Variants in SLC4A2 observed in about 807,000 individuals in gnomAD.
SLC4A2 encodes the protein solute carrier family 4 member 2.
In SLC4A2, 36 loss-of-function variants were observed where a neutral mutation model predicts 115.0. The ratio of observed to expected loss-of-function variants is 0.31; its 90% confidence interval spans 0.24 to 0.41. SLC4A2 has a LOEUF of 0.41. Among genes scored for constraint, SLC4A2 ranks in the 10% least tolerant of loss-of-function variants. SLC4A2 has a pLI of 1.00. For synonymous variants in SLC4A2, 708 were observed against 708.3 expected, an observed-to-expected ratio of 1.00 and a Z score of 0.01; for missense variants, 1,252 against 1,705.6, an observed-to-expected ratio of 0.73 and a Z score of 4.68.
Position 151,071,349 on chromosome 7 carries a change from C to T in SLC4A2, c.1976-41C>T. The stretch of plus-strand genomic sequence containing the variant: ...GGCTGCCTCGAGGGGGTGAGGTGGG[C>T]AAGAGGGGCTGGGGCGCCCTGACGG... On this transcript the variant is annotated intron_variant, in intron 13 of 22. Coordinates refer to ENST00000413384, the MANE Select transcript of SLC4A2 (RefSeq NM_003040.4). This position sits in a 1 kb window ranked among gnomAD's most constrained non-coding sequence, Gnocchi z 5.5. 2 of 1,550,456 alleles carry T rather than the reference C, an allele frequency of 1.3e-6. No homozygotes were observed. The highest frequency in any genetic ancestry group is 1.7e-6 in the Non-Finnish European group (2 of 1,151,760).
chr7:151,064,081 T>G, intron 2 of SLC4A2, 121 bp from the exon 3 acceptor site: 27 of 936,728 alleles, frequency 2.9e-5, no homozygotes, highest in Non-Finnish European at 4.1e-5. Flanking sequence ...GCCACCAGCA[T>G]TAGAGGAGAT....
intron 7 of SLC4A2, among the ~76,000 whole-genome samples, chr7:151,067,337 C>T (rs1797269633): frequency 6.6e-6 from 1 of 152,202 alleles, no homozygotes; most frequent in Admixed American, 6.5e-5. Context: ...CCGCCCGCCT[C>T]GGCCTCCCAA....
intron 16 of SLC4A2, among the ~76,000 whole-genome samples, chr7:151,073,478 AG>A (rs1797510044): frequency 6.6e-6 from 1 of 151,938 alleles, no homozygotes; most frequent in Non-Finnish European, 1.5e-5. Flanking sequence ...GAGACAGGGA[AG>A]GCTGGTTTCG....
chr7:151,072,700 G>A (rs537057183), intron 16 of SLC4A2, among the ~76,000 whole-genome samples: 1 of 149,624 alleles, frequency 6.7e-6, no homozygotes, highest in Admixed American at 6.7e-5. Flanking sequence ...TTGTCACCCA[G>A]GCTGGAGTGC....
chr7:151,063,132 C>G (rs1172533502), intron 2 of SLC4A2: 4 of 1,518,000 alleles, frequency 2.6e-6, no homozygotes, highest in Non-Finnish European at 3.5e-6. Flanking sequence ...TTACAAGCGC[C>G]GCATTCCCTG....
At chr7:151,076,251 C>A (rs368963319) in intron 22 of SLC4A2, 36 bp from the exon 23 acceptor site, 22 of 1,589,622 alleles carry the variant, frequency 1.4e-5, no homozygotes, top group East Asian at 4.5e-5. Context: ...AAGGCCCCCC[C>A]ACTTCCCTTC....
At chr7:151,075,042 C>G in intron 19 of SLC4A2, 1 of 878,072 alleles carries the variant, frequency 1.1e-6, no homozygotes. Flanking sequence ...GAGGGGCAGG[C>G]CACCCTGGCA....
In SLC4A2 at chr7:151,060,731, G is replaced by A. The variant is rs1183900587; in HGVS notation, c.-64+969G>A. On this transcript the variant is annotated intron_variant, in intron 1 of 22. Coordinates refer to ENST00000413384, the MANE Select transcript of SLC4A2 (RefSeq NM_003040.4). This position sits in a 1 kb window ranked among gnomAD's most constrained non-coding sequence, Gnocchi z 5.9. ...GCACTCACGCTCACCCACACCACCC[G>A]CCCTGGCTGAAGGCCTGCTGAGGGG... 6.6e-6 allele frequency among the ~76,000 whole-genome samples: 1 copy of A among 152,150 alleles called. No homozygotes were observed. Among genetic ancestry groups the A allele is most frequent in the Non-Finnish European group, 1.5e-5 (1 of 68,012 alleles).
chr7:151,070,691 G>T (rs764714335), intron 11 of SLC4A2, 36 bp from the exon 12 acceptor site: 3 of 1,609,526 alleles, frequency 1.9e-6, no homozygotes, highest in Non-Finnish European at 2.5e-6. Context: ...CGGTCCTGCT[G>T]CTCTGCTCTT....
chr7:151,068,575 A>C (rs1271634233), intron 8 of SLC4A2, among the ~76,000 whole-genome samples: 1 of 152,086 alleles, frequency 6.6e-6, no homozygotes, highest in Non-Finnish European at 1.5e-5. Flanking sequence ...GCTGGAGTAC[A>C]GTGGTGTGAT....
rs561878165 is a variant in SLC4A2, at chr7:151,064,946, C to T, written c.558C>T (p.Ala186=). The T allele has an allele frequency of 5.6e-6, 9 of 1,613,156 alleles. No homozygotes were observed. The East Asian group carries it at 6.7e-5, about 12-fold the overall frequency. Residue 186 remains alanine, a synonymous_variant, in exon 5 of 23, where the codon GCC becomes GCT. Coordinates refer to ENST00000413384, the MANE Select transcript of SLC4A2 (RefSeq NM_003040.4). ...CCCACCAGGAGGCGACTCCTCGGGC[C>T]TCCAAAGGGGCCCAGGCTGGGTAAG... ...PLPHQEATPR[A]SKGAQAGTQV...
Position 151,066,997 on chromosome 7 carries a change from C to G in SLC4A2, c.966+4C>G. On this transcript the variant is annotated splice_donor_region_variant and intron_variant, in intron 7 of 22. Transcript: ENST00000413384. ...GGCCCCCCACAAGCCCCATGAGGTA[C>G]CATGCTCTGCTTCATGCTCTTCCAT... is the stretch of plus-strand genomic sequence containing the variant. The G allele has an allele frequency of 6.3e-7, 1 of 1,586,954 alleles. No homozygotes were observed. Among genetic ancestry groups the G allele is most frequent in the Non-Finnish European group, 8.6e-7 (1 of 1,168,882 alleles).
chr7:151,065,537 C>G (rs1797199338), intron 5 of SLC4A2, among the ~76,000 whole-genome samples: 1 of 152,182 alleles, frequency 6.6e-6, no homozygotes, highest in African/African-American at 2.4e-5. Flanking sequence ...TGGGGGAAGG[C>G]TTCCTGGAGA....
intron 22 of SLC4A2, 30 bp from the exon 23 acceptor site, chr7:151,076,257 C>T (rs200190028): frequency 6.3e-7 from 1 of 1,583,808 alleles, no homozygotes; most frequent in Non-Finnish European, 8.6e-7. Context: ...CCCCCACTTC[C>T]CTTCTTGACC....
chr7:151,074,915 C>T, intron 19 of SLC4A2, 74 bp downstream of exon 19: 2 of 1,431,634 alleles, frequency 1.4e-6, no homozygotes, highest in South Asian at 2.7e-5. Context: ...CATGGAACCT[C>T]CAGCCACACT....
intron 17 of SLC4A2, 28 bp downstream of exon 17, chr7:151,074,321 G>T: frequency 1.2e-6 from 2 of 1,609,462 alleles, no homozygotes; most frequent in Non-Finnish European, 1.7e-6. Flanking sequence ...CCAAGAGGGG[G>T]TTAGGGGCAG....
chr7:151,071,251 G>A lies in SLC4A2; in HGVS notation c.1929G>A (p.Leu643=). The part of the protein sequence containing the change: ...MLKKREEQGR[L]LPTGAGLEPK... ...AGAAGCGAGAGGAGCAGGGCCGGCTGCTACCTACAGGGGCTGGGCTGGAGC... is the reference window on the plus strand; with the variant it reads ...AGAAGCGAGAGGAGCAGGGCCGGCTACTACCTACAGGGGCTGGGCTGGAGC... Residue 643 remains leucine (L), a synonymous_variant, in exon 13 of 23, where the codon CTG becomes CTA. Coordinates refer to ENST00000413384, the MANE Select transcript of SLC4A2 (RefSeq NM_003040.4). The surrounding 1 kb of genome is among the most constrained non-coding windows in gnomAD (Gnocchi z 5.5). The A allele has an allele frequency of 6.4e-7, 1 of 1,569,350 alleles. No individual in the cohort carries two copies. Among genetic ancestry groups the A allele is most frequent in the South Asian group, 1.2e-5 (1 of 86,256 alleles).
chr7:151,061,886 C>G, intron 1 of SLC4A2, 39 bp from the exon 2 acceptor site: 1 of 1,130,532 alleles, frequency 8.8e-7, no homozygotes, highest in South Asian at 1.3e-5. Context: ...CCTGCCCTCC[C>G]AGGGCTCTCG....
Position 151,074,754 on chromosome 7 carries a change from G to C in SLC4A2, c.2960G>C (p.Ser987Thr). The change falls in exon 19 of 23, where the codon AGC (serine) becomes ACC (threonine). Residue 987 changes from serine (S) to threonine (T), a missense_variant. Transcript: ENST00000413384. ...GWVINPLGEKSPFPVWMMVAS... is the reference protein window; with the variant it reads ...GWVINPLGEKTPFPVWMMVAS... ...GTCATCAACCCCCTGGGAGAGAAGA[G>C]CCCCTTCCCTGTGTGGATGATGGTT... is the stretch of plus-strand genomic sequence containing the variant. 3.7e-6 allele frequency: 6 copies of C among 1,613,840 alleles called. No homozygotes were observed. The highest frequency in any genetic ancestry group is 5.1e-6 in the Non-Finnish European group (6 of 1,179,938).
Sources: gnomAD v4.1 joint callset for allele counts (sites outside exome capture counted in the v4.1 genomes callset) on GRCh38, gnomAD v4.1.1 for gene constraint, Gnocchi (gnomAD v3.1) non-coding constraint, MANE v1.5 for transcripts, NCBI Gene and HGNC (gene_info 2026-07-23, HGNC 2026-07-21) for gene names.